Variants in SMYD2 observed in about 807,000 individuals in gnomAD.
SMYD2 encodes N-lysine methyltransferase SMYD2.
A neutral mutation model predicts 59.1 loss-of-function variants in SMYD2; 53 were observed. The ratio of observed to expected loss-of-function variants is 0.90; its 90% CI spans 0.72 to 1.13. The LOEUF is 1.13. Ranked by LOEUF, SMYD2 falls within the 50% of genes most tolerant of loss-of-function variation. SMYD2 has a pLI of 0.00. For synonymous variants in SMYD2, 208 were observed against 198.8 expected (o/e 1.05, Z -0.39); for missense variants, 494 against 544.7 (o/e 0.91, Z 0.93).
intron 2 of SMYD2, among the ~76,000 whole-genome samples, chr1:214,305,961 C>T (rs1407163461): frequency 2.0e-5 from 3 of 152,176 alleles, no homozygotes; most frequent in African/African-American, 7.2e-5. Flanking sequence ...ATTTCATGTT[C>T]AAACAATTTA....
At chr1:214,305,858 T>G (rs1656907919) in intron 2 of SMYD2, among the ~76,000 whole-genome samples, 1 of 152,216 alleles carries the variant, frequency 6.6e-6, no homozygotes. Context: ...GAATTCTTGG[T>G]AGACTCTTTG....
At chr1:214,286,749 CAAAAAA>C (rs5780769) in intron 1 of SMYD2, among the ~76,000 whole-genome samples, 1 of 72,062 alleles carries the variant, frequency 1.4e-5, no homozygotes. Flanking sequence ...GCCTCCATCT[CAAAAAA>C]AAAAAAAAAA....
chr1:214,329,207 AC>A (rs1467507594), intron 7 of SMYD2, among the ~76,000 whole-genome samples: 1 of 151,942 alleles, frequency 6.6e-6, no homozygotes, highest in Non-Finnish European at 1.5e-5. Context: ...AGAAGGAGAA[AC>A]CCCATTCCCC....
At position 214,318,002 on chromosome 1, in the gene SMYD2, G is replaced by A. The variant is rs1338478640; in HGVS notation, c.349-77G>A. The A allele has an allele frequency of 2.5e-5, 33 of 1,295,348 alleles. No homozygotes were observed. Among genetic ancestry groups the A allele is most frequent in the Admixed American group, 1.6e-4 (9 of 55,766 alleles). 80.2% of individuals were successfully genotyped at this position (1,295,348 alleles called of 1,614,324 possible). On this transcript the variant is annotated intron_variant, in intron 3 of 11. Coordinates refer to ENST00000366957, the MANE Select transcript of SMYD2 (RefSeq NM_020197.3). The surrounding 1 kb of genome is among the most constrained non-coding windows in gnomAD (Gnocchi z 5.4). ...ATTGTTACTTTTTCTTTATGTTGAT[G>A]TAAAAGTGAAAGTGCCACTTTATTA... is the stretch of plus-strand genomic sequence containing the variant.
intron 1 of SMYD2, among the ~76,000 whole-genome samples, chr1:214,288,938 C>CTTTTTTTTTT: frequency 7.3e-6 from 1 of 136,730 alleles, no homozygotes; most frequent in African/African-American, 2.7e-5. Flanking sequence ...AGCCCATAGT[C>CTTTTTTTTTT]TTTTTTTTTT....
chr1:214,324,535 C>T, intron 5 of SMYD2, 106 bp from the exon 6 acceptor site: 1 of 1,015,710 alleles, frequency 9.8e-7, no homozygotes, highest in East Asian at 2.4e-5. Flanking sequence ...ACCACTACAC[C>T]AAAACATCTT....
intron 11 of SMYD2, among the ~76,000 whole-genome samples, chr1:214,335,518 G>T (rs1657422315): frequency 1.3e-5 from 2 of 152,182 alleles, no homozygotes; most frequent in Admixed American, 1.3e-4. Flanking sequence ...TCTAGGAGGA[G>T]AATATATAAT....
intron 1 of SMYD2, among the ~76,000 whole-genome samples, chr1:214,301,028 AT>A (rs1656815725): frequency 6.6e-6 from 1 of 152,226 alleles, no homozygotes. Context: ...GACAACTATT[AT>A]GCTAACATTT....
rs942328121 is a variant in SMYD2, at chr1:214,312,287, C to T, written c.238-2475C>T. Among the ~76,000 whole-genome samples the T allele has an allele frequency of 5.3e-5, 8 of 152,064 alleles. No homozygotes were observed. The highest frequency in any genetic ancestry group is 2.1e-4 in the South Asian group (1 of 4,822). ...CTTGGGGGATCAGTGTGGAGGGAAG[C>T]GGGTAGGGAGATATCTTCATTCCTT... On this transcript the variant is annotated intron_variant, in intron 2 of 11. Transcript: ENST00000366957. This position sits in a 1 kb window ranked among gnomAD's most constrained non-coding sequence, Gnocchi z 4.1.
At chr1:214,326,733 C>T (rs72757910) in intron 6 of SMYD2, among the ~76,000 whole-genome samples, 10,316 of 152,022 alleles carry the variant, frequency 0.068, 496 homozygotes, top group Non-Finnish European at 0.1. Context: ...TTTGTATTCT[C>T]GGAGCAAGCA....
chr1:214,316,203 G>C (rs1657082378), intron 3 of SMYD2, among the ~76,000 whole-genome samples: 1 of 152,134 alleles, frequency 6.6e-6, no homozygotes, highest in Non-Finnish European at 1.5e-5. Context: ...GGGCATAGTG[G>C]CTCATACCTG....
chr1:214,305,853 C>G (rs550255921), intron 2 of SMYD2, among the ~76,000 whole-genome samples: 1 of 152,302 alleles, frequency 6.6e-6, no homozygotes, highest in Admixed American at 6.5e-5. Flanking sequence ...TGGAGGAATT[C>G]TTGGTAGACT....
intron 1 of SMYD2, among the ~76,000 whole-genome samples, chr1:214,289,815 G>A (rs1656608531): frequency 6.6e-6 from 1 of 152,226 alleles, no homozygotes; most frequent in African/African-American, 2.4e-5. Flanking sequence ...CTCCTGATGA[G>A]TGGCCTGTTC....
At chr1:214,320,257 T>C (rs77988502) in intron 5 of SMYD2, among the ~76,000 whole-genome samples, 132 of 152,208 alleles carry the variant, frequency 8.7e-4, no homozygotes, top group African/African-American at 3.0e-3. Flanking sequence ...CAAAGCAGTA[T>C]GAAAAGTATG....
chr1:214,303,450 T>C (rs1656858374), intron 1 of SMYD2, among the ~76,000 whole-genome samples: 1 of 152,144 alleles, frequency 6.6e-6, no homozygotes, highest in African/African-American at 2.4e-5. Flanking sequence ...CCTTCAGATA[T>C]ACCCTAGGGG....
At chr1:214,288,418 G>A (rs886813056) in intron 1 of SMYD2, among the ~76,000 whole-genome samples, 4 of 152,066 alleles carry the variant, frequency 2.6e-5, no homozygotes, top group Non-Finnish European at 5.9e-5. Context: ...GACCTTCAAG[G>A]ATGGAGCCAA....
chr1:214,319,967 G>A (rs1425424577), intron 5 of SMYD2, among the ~76,000 whole-genome samples: 1 of 152,180 alleles, frequency 6.6e-6, no homozygotes, highest in Non-Finnish European at 1.5e-5. Context: ...CTGTCCTAAG[G>A]ATATAATCAG....
chr1:214,321,399 A>G (rs897487643), intron 5 of SMYD2, among the ~76,000 whole-genome samples: 3 of 149,142 alleles, frequency 2.0e-5, no homozygotes, highest in African/African-American at 7.3e-5. Context: ...TCACACAAAT[A>G]CACACACATA....
intron 2 of SMYD2, among the ~76,000 whole-genome samples, chr1:214,311,967 A>G (rs1657004900): frequency 6.6e-6 from 1 of 152,112 alleles, no homozygotes; most frequent in South Asian, 2.1e-4. Context: ...CCCGAGGGTC[A>G]TCTCTGTCTT....
Sources: allele counts gnomAD v4.1 joint callset (sites outside exome capture counted in the v4.1 genomes callset), GRCh38; gene constraint gnomAD v4.1.1; non-coding constraint Gnocchi (gnomAD v3.1); transcripts MANE v1.5; gene names NCBI Gene and HGNC (gene_info 2026-07-23, HGNC 2026-07-21).